Variants in ACOXL observed in about 807,000 individuals in gnomAD.
ACOXL encodes the protein acyl-coenzyme A oxidase-like protein.
In ACOXL, 70 loss-of-function variants were observed where a neutral mutation model predicts 71.9. That is an observed-to-expected ratio of 0.97 (90% CI 0.80 to 1.19). ACOXL has a LOEUF of 1.19. Ranked by LOEUF, ACOXL falls within the 50% of genes most tolerant of loss-of-function variation. The pLI is 0.00. For missense variants in ACOXL, 703 were observed against 736.3 expected (o/e 0.95, Z 0.52); for synonymous variants, 253 against 281.6 (o/e 0.90, Z 1.02).
intron 12 of ACOXL, 27 bp downstream of exon 12, chr2:110,933,669 T>A (rs1353455146): frequency 6.3e-7 from 1 of 1,595,830 alleles, no homozygotes; most frequent in Non-Finnish European, 8.5e-7. Flanking sequence ...GCAGCCCCCG[T>A]GGGTCCCCAC....
chr2:110,985,774 G>C (rs1247251375), intron 12 of ACOXL, among the ~76,000 whole-genome samples: 1 of 152,176 alleles, frequency 6.6e-6, no homozygotes, highest in African/African-American at 2.4e-5. Context: ...GCTCTTAACT[G>C]CCTGCATGTA....
At chr2:110,750,549 A>G (rs1423734635) in intron 1 of ACOXL, among the ~76,000 whole-genome samples, 2 of 150,020 alleles carry the variant, frequency 1.3e-5, no homozygotes, top group Non-Finnish European at 3.0e-5. Context: ...ATTTCTGATC[A>G]TCTACTTTTT....
At chr2:110,798,833 C>T (rs1402743001) in intron 6 of ACOXL, 109 bp downstream of exon 6, 1 of 1,200,448 alleles carries the variant, frequency 8.3e-7, no homozygotes, top group East Asian at 2.4e-5. Context: ...TCAGTACTAA[C>T]TTTATCTCCT....
intron 11 of ACOXL, among the ~76,000 whole-genome samples, chr2:110,910,084 C>T (rs1446138307): frequency 6.6e-6 from 1 of 152,092 alleles, no homozygotes; most frequent in Non-Finnish European, 1.5e-5. Context: ...AACACTAAAA[C>T]CAAATACAAA....
At chr2:110,911,892 A>T (rs1025414518) in intron 11 of ACOXL, among the ~76,000 whole-genome samples, 4 of 152,096 alleles carry the variant, frequency 2.6e-5, no homozygotes, top group African/African-American at 9.6e-5. Context: ...AATAAAAGTC[A>T]TGTAAACTGG....
intron 10 of ACOXL, chr2:110,887,285 T>C (rs1276152899): frequency 1.3e-5 from 2 of 157,572 alleles, no homozygotes; most frequent in Non-Finnish European, 2.8e-5. Flanking sequence ...TCAGTTCCTC[T>C]GCATCCCTTG....
At chr2:110,832,544 C>CA (rs769471148) in intron 9 of ACOXL, among the ~76,000 whole-genome samples, 868 of 42,856 alleles carry the variant, frequency 0.02, 6 homozygotes, top group Middle Eastern at 0.043. Context: ...GACTCCATCT[C>CA]AAAAAAAAAA....
Position 110,832,462 on chromosome 2 carries a change from C to T in ACOXL, c.754-8909C>T, listed in dbSNP as rs536945086. On this transcript the variant is annotated intron_variant, in intron 9 of 17. Transcript: ENST00000439055. ...CTGAGGCAGGAGAATGGCATGAACC[C>T]GGGAAGCGGAGCTTGCAGTGAGCCG... 1.2e-3 allele frequency among the ~76,000 whole-genome samples: 176 copies of T among 148,900 alleles called. 1 individual carries two copies. The highest frequency in any genetic ancestry group is 3.4e-3 in the Middle Eastern group (1 of 290).
chr2:110,942,914 GGAAA>G (rs1558764543), intron 12 of ACOXL, among the ~76,000 whole-genome samples: 1 of 139,622 alleles, frequency 7.2e-6, no homozygotes, highest in African/African-American at 2.6e-5. Context: ...AGGGAGGGAG[GGAAA>G]GAAAGAGAAA....
intron 12 of ACOXL, among the ~76,000 whole-genome samples, chr2:110,982,853 G>A (rs1336625515): frequency 6.6e-6 from 1 of 152,316 alleles, no homozygotes; most frequent in East Asian, 1.9e-4. Context: ...TTGTGCGGTG[G>A]TACAGGACCC....
intron 17 of ACOXL, among the ~76,000 whole-genome samples, chr2:111,111,281 G>A (rs2069936895): frequency 6.6e-6 from 1 of 151,676 alleles, no homozygotes; most frequent in Admixed American, 6.6e-5. Context: ...TGTATTTTTT[G>A]TAGAGATGGG....
chr2:110,978,194 G>C (rs1470785927), intron 12 of ACOXL, among the ~76,000 whole-genome samples: 3 of 152,146 alleles, frequency 2.0e-5, no homozygotes, highest in African/African-American at 7.2e-5. Context: ...AGACCAAGAT[G>C]CTGGCCTCTG....
intron 10 of ACOXL, among the ~76,000 whole-genome samples, chr2:110,872,442 C>G (rs1695392065): frequency 6.6e-6 from 1 of 152,190 alleles, no homozygotes; most frequent in Admixed American, 6.5e-5. Flanking sequence ...AGGGTGGTGC[C>G]CAACCAGGAG....
intron 16 of ACOXL, among the ~76,000 whole-genome samples, chr2:111,070,237 C>G (rs1201569093): frequency 6.6e-6 from 1 of 152,136 alleles, no homozygotes; most frequent in Non-Finnish European, 1.5e-5. Flanking sequence ...ATAGCAAGGA[C>G]ATGGAATCAA....
chr2:111,100,760 T>C (rs1264699142), intron 17 of ACOXL: 3 of 152,720 alleles, frequency 2.0e-5, no homozygotes, highest in East Asian at 1.9e-4. Flanking sequence ...ACAGGAGCAG[T>C]TGCATCAGCC....
intron 9 of ACOXL, among the ~76,000 whole-genome samples, chr2:110,811,775 A>ACACACACACACACACT (rs1687359464): frequency 6.8e-6 from 1 of 147,480 alleles, no homozygotes; most frequent in Non-Finnish European, 1.5e-5. Context: ...ACACACACAC[A>ACACACACACACACACT]CACACACACA....
intron 9 of ACOXL, among the ~76,000 whole-genome samples, chr2:110,806,053 C>A (rs1686598309): frequency 6.6e-6 from 1 of 152,222 alleles, no homozygotes; most frequent in Admixed American, 6.5e-5. Flanking sequence ...AATTAAGTCT[C>A]CCCAGGAATA....
intron 8 of ACOXL, among the ~76,000 whole-genome samples, chr2:110,803,246 T>G (rs960658975): frequency 3.3e-5 from 5 of 152,034 alleles, no homozygotes; most frequent in Non-Finnish European, 7.4e-5. Context: ...AAGAACAAAG[T>G]AGGAGGACTC....
intron 3 of ACOXL, among the ~76,000 whole-genome samples, chr2:110,787,533 CAAAA>C (rs1175271772): frequency 1.9e-5 from 1 of 53,632 alleles, no homozygotes; most frequent in South Asian, 6.3e-4. Context: ...GACTCCGTCT[CAAAA>C]AAAAAAAAAA....
Sources: allele counts gnomAD v4.1 joint callset (sites outside exome capture counted in the v4.1 genomes callset), GRCh38; gene constraint gnomAD v4.1.1; transcripts MANE v1.5; gene names NCBI Gene and HGNC (gene_info 2026-07-23, HGNC 2026-07-21).